Variants in ESYT2 observed in about 807,000 individuals in gnomAD.
The protein encoded by ESYT2 is extended synaptotagmin-2.
In ESYT2, 54 loss-of-function variants were observed where a neutral mutation model predicts 107.2. The ratio of observed to expected loss-of-function variants is 0.50; its 90% CI spans 0.40 to 0.63. The LOEUF (loss-of-function observed/expected upper bound fraction) is 0.63. Ranked by LOEUF, ESYT2 falls within the 30% of genes least tolerant of loss-of-function variation. The pLI is 0.00. For missense variants in ESYT2, 1,020 were observed against 1,094.5 expected (o/e 0.93, Z 0.96); for synonymous variants, 491 against 434.1 (o/e 1.13, Z -1.63).
intron 4 of ESYT2, among the ~76,000 whole-genome samples, chr7:158,791,224 T>C (rs970161197): frequency 1.3e-5 from 2 of 152,182 alleles, no homozygotes; most frequent in African/African-American, 4.8e-5. Context: ...TCTGGCTTGT[T>C]TCCTTCAGCA....
intron 1 of ESYT2, among the ~76,000 whole-genome samples, chr7:158,808,088 G>A (rs1839886755): frequency 1.3e-5 from 2 of 152,184 alleles, no homozygotes; most frequent in South Asian, 2.1e-4. Context: ...GGTAACTAAA[G>A]TGTTTGAAAA....
intron 6 of ESYT2, among the ~76,000 whole-genome samples, chr7:158,783,154 C>T (rs1415010705): frequency 1.3e-5 from 2 of 152,140 alleles, no homozygotes; most frequent in Non-Finnish European, 2.9e-5. Context: ...TGAGCTGTTG[C>T]GGCTTTTCTA....
At chr7:158,781,938 T>A (rs1051626583) in intron 6 of ESYT2, among the ~76,000 whole-genome samples, 4 of 147,430 alleles carry the variant, frequency 2.7e-5, no homozygotes, top group Middle Eastern at 4.2e-3. Flanking sequence ...GGTATGAGTG[T>A]AAGAACGAGA....
chr7:158,782,233 A>G (rs1236463900), intron 6 of ESYT2, among the ~76,000 whole-genome samples: 2 of 78,044 alleles, frequency 2.6e-5, no homozygotes, highest in African/African-American at 6.3e-5. Context: ...ATGTGAGTGT[A>G]ACAACGAGTG....
At chr7:158,772,894 T>TAA (rs3033501) in intron 7 of ESYT2, among the ~76,000 whole-genome samples, 96,017 of 141,880 alleles carry the variant, frequency 0.68, 33,788 homozygotes, top group Non-Finnish European at 0.78. Flanking sequence ...GAATAAAAGT[T>TAA]AAAAAAAAAA....
At chr7:158,781,422 CGA>C (rs1838799633) in intron 6 of ESYT2, among the ~76,000 whole-genome samples, 1 of 60,226 alleles carries the variant, frequency 1.7e-5, no homozygotes, top group Non-Finnish European at 5.5e-5. Context: ...AGTGTAAGAA[CGA>C]GTGAGAAGTG....
intron 13 of ESYT2, among the ~76,000 whole-genome samples, chr7:158,755,942 A>T (rs1837740646): frequency 6.6e-6 from 1 of 152,202 alleles, no homozygotes; most frequent in Non-Finnish European, 1.5e-5. Flanking sequence ...TGTGCAGCAA[A>T]CAACATGGCA....
chr7:158,788,384 G>A lies in ESYT2; in HGVS notation c.618C>T (p.Ile206=). The change falls in exon 5 of 23, where the codon ATC becomes ATT. Residue 206 remains isoleucine, a synonymous_variant. Transcript: ENST00000275418. ...FVGNCEIDLE[I]KRYFCRAGVK... is the part of the protein sequence containing the mutation. ...CACCAGCTCTACAAAAATATCGTTTGATCTCCAAATCAATCTCACAATTTC... is the reference window on the plus strand; with the variant it reads ...CACCAGCTCTACAAAAATATCGTTTAATCTCCAAATCAATCTCACAATTTC... 1 of 1,611,600 alleles carries A rather than the reference G, an allele frequency of 6.2e-7. No individual in the cohort carries two copies. Among genetic ancestry groups the A allele is most frequent in the African/African-American group, 1.3e-5 (1 of 74,948 alleles).
At position 158,773,367 on chromosome 7, in the gene ESYT2, C is replaced by A. The variant is rs140480085; in HGVS notation, c.777G>T (p.Thr259=). 8.1e-6 allele frequency: 13 copies of A among 1,614,016 alleles called. No individual in the cohort carries two copies. The highest frequency in any genetic ancestry group is 7.6e-6 in the Non-Finnish European group (9 of 1,180,026). ...PLLEINWTGL[T]NLLDVPGLNG... is the part of the protein sequence containing the mutation. Reference sequence around the variant, plus strand: ...TCAATCCAGGGACATCCAGAAGATTCGTCAGTCCTGTCCAGTTAATTTCTA... The same window carrying A: ...TCAATCCAGGGACATCCAGAAGATTAGTCAGTCCTGTCCAGTTAATTTCTA... Residue 259 remains threonine, a synonymous_variant, in exon 7 of 23, where the codon ACG becomes ACT. Coordinates refer to ENST00000275418, the MANE Select transcript of ESYT2 (RefSeq NM_001367773.1).
chr7:158,788,205 T>A, intron 5 of ESYT2, 112 bp from the exon 6 acceptor site: 1 of 1,165,090 alleles, frequency 8.6e-7, no homozygotes, highest in Non-Finnish European at 1.3e-6. Context: ...GACTTCTTAT[T>A]TATCTCAACT....
intron 15 of ESYT2, 125 bp downstream of exon 15, chr7:158,749,524 G>T: frequency 1.3e-6 from 1 of 791,842 alleles, no homozygotes; most frequent in South Asian, 1.6e-5. Flanking sequence ...GAAAAGCCCT[G>T]GTCTCGATGC....
At chr7:158,757,445 G>A (rs1837798276) in intron 13 of ESYT2, among the ~76,000 whole-genome samples, 2 of 152,228 alleles carry the variant, frequency 1.3e-5, no homozygotes, top group Admixed American at 1.3e-4. Context: ...TTAGGGCAGT[G>A]GAGCCAGGGG....
intron 18 of ESYT2, among the ~76,000 whole-genome samples, chr7:158,741,175 A>G (rs1322046635): frequency 6.6e-6 from 1 of 152,290 alleles, no homozygotes; most frequent in South Asian, 2.1e-4. Context: ...CAGTGGCCGC[A>G]GCGAGGCCCG....
chr7:158,734,236 C>T lies in ESYT2; in HGVS notation c.2572G>A (p.Asp858Asn). 1 of 1,614,140 alleles carries T rather than the reference C, an allele frequency of 6.2e-7. No individual in the cohort carries two copies. The highest frequency in any genetic ancestry group is 8.5e-7 in the Non-Finnish European group (1 of 1,180,040). Residue 858 changes from aspartate to asparagine, a missense_variant, in exon 23 of 23, where the codon GAT becomes AAT. Physicochemically the swap from Asp to Asn is conservative, Grantham distance 23. Transcript: ENST00000275418. The stretch of plus-strand genomic sequence containing the variant: ...GTCATCGCCTGAGGCCTCGTCCCAT[C>T]TTCCGTGAGGTCATACCTGAGAAAG... ...GWTQWYDLTE[D>N]GTRPQAMT is the part of the protein sequence containing the mutation.
At chr7:158,749,312 T>G (rs989455121) in intron 15 of ESYT2, among the ~76,000 whole-genome samples, 2 of 151,904 alleles carry the variant, frequency 1.3e-5, no homozygotes, top group Admixed American at 1.3e-4. Context: ...AGAGATGAGG[T>G]TTCACCGTAT....
At chr7:158,750,394 C>T (rs185872228) in intron 14 of ESYT2, among the ~76,000 whole-genome samples, 7 of 152,144 alleles carry the variant, frequency 4.6e-5, no homozygotes, top group East Asian at 1.9e-4. Flanking sequence ...GCAGCAGATA[C>T]GTGTGACATG....
At chr7:158,806,077 G>GTGGGAGGCGCCGGGGCACACCGCA (rs1254203837) in intron 1 of ESYT2, among the ~76,000 whole-genome samples, 3 of 150,942 alleles carry the variant, frequency 2.0e-5, no homozygotes, top group Non-Finnish European at 1.5e-5. Flanking sequence ...GGCACACCGC[G>GTGGGAGGCGCCGGGGCACACCGCA]TGGGAGGCGC....
intron 6 of ESYT2, among the ~76,000 whole-genome samples, chr7:158,781,242 A>T (rs1396276796): frequency 6.6e-6 from 1 of 150,742 alleles, no homozygotes; most frequent in Non-Finnish European, 1.5e-5. Flanking sequence ...TGTAAGAATG[A>T]GTGAGAACCA....
chr7:158,779,454 G>A (rs1203887781), intron 6 of ESYT2, among the ~76,000 whole-genome samples: 1 of 152,146 alleles, frequency 6.6e-6, no homozygotes, highest in Non-Finnish European at 1.5e-5. Context: ...GCTAAAAAGT[G>A]GGTCTTCAAA....
Sources: gnomAD v4.1 joint callset for allele counts (sites outside exome capture counted in the v4.1 genomes callset) on GRCh38, gnomAD v4.1.1 for gene constraint, MANE v1.5 for transcripts, NCBI Gene and HGNC (gene_info 2026-07-23, HGNC 2026-07-21) for gene names.